Variants in PGK2 observed in about 807,000 individuals in gnomAD.
The protein encoded by PGK2 is epididymis secretory protein Li 272.
Under a neutral mutation model 5.2 loss-of-function variants are expected in PGK2, and 5 were observed. That is an observed-to-expected ratio of 0.96 (90% confidence interval 0.50 to 2.01). The LOEUF is 2.01. Among genes scored for constraint, PGK2 ranks in the 30% most tolerant of loss-of-function variants. The pLI is 0.01. For missense variants in PGK2, 588 were observed against 506.8 expected, an observed-to-expected ratio of 1.16 and a Z score of -1.54; for synonymous variants, 210 against 182.6, an observed-to-expected ratio of 1.15 and a Z score of -1.21.
chr6:49,786,379 A>G lies in PGK2; in HGVS notation c.809T>C (p.Met270Thr), dbSNP rs1319099314. 1.9e-6 allele frequency: 3 copies of G among 1,614,028 alleles called. No individual in the cohort carries two copies. The highest frequency in any genetic ancestry group is 2.2e-5 in the East Asian group (1 of 44,888). The change falls in exon 1 of 1, where the codon ATG becomes ACG. Residue 270 changes from methionine (M) to threonine (T), a missense_variant. Met to Thr is a moderately conservative substitution (Grantham distance 81, BLOSUM62 -1). Coordinates refer to ENST00000304801, the MANE Select transcript of PGK2 (RefSeq NM_138733.5). ...TACACCATTCTTTTGTGCTTTGGCC[A>G]TGATATCTTTAACGATCTTGGCTCC... ...EEGAKIVKDI[M>T]AKAQKNGVRI... is the part of the protein sequence containing the mutation.
chr6:49,786,547 C>A lies in PGK2; in HGVS notation c.641G>T (p.Gly214Val). The change falls in exon 1 of 1, where the codon GGA becomes GTA. Residue 214 changes from glycine to valine, a missense_variant. Transcript: ENST00000304801. The part of the protein sequence containing the change: ...PVRPFLAILG[G>V]AKVADKIQLI... The stretch of plus-strand genomic sequence containing the variant: ...TTGGATCTTGTCTGCCACTTTGGCT[C>A]CACCAAGTATAGCCAGAAAGGGTCT... 1 of 1,614,038 alleles carries A rather than the reference C, an allele frequency of 6.2e-7. No homozygotes were observed. Among genetic ancestry groups the A allele is most frequent in the South Asian group, 1.1e-5 (1 of 91,074 alleles).
In PGK2 at chr6:49,787,056, G is replaced by A; in HGVS notation, c.132C>T (p.Ile44=). 6.2e-7 allele frequency: 1 copy of A among 1,614,066 alleles called. No individual in the cohort carries two copies. The highest frequency in any genetic ancestry group is 1.7e-5 in the Admixed American group (1 of 60,002). ...TGTCCAGGCAGTACTTGATGCTTGG[G>A]ATGGAAGCCTTGATCCTCTGGTTGT... The part of the protein sequence containing the change: ...ITNNQRIKAS[I]PSIKYCLDNG... Residue 44 remains isoleucine, a synonymous_variant, in exon 1 of 1, where the codon ATC becomes ATT. Coordinates refer to ENST00000304801, the MANE Select transcript of PGK2 (RefSeq NM_138733.5).
rs145382583 is a variant in PGK2, at chr6:49,787,109, C to T, written c.79G>A (p.Val27Ile). The change falls in exon 1 of 1, where the codon GTT (valine) becomes ATT (isoleucine). Residue 27 changes from valine (V) to isoleucine (I), a missense_variant. Val to Ile is a conservative substitution (Grantham distance 29). Coordinates refer to ENST00000304801, the MANE Select transcript of PGK2 (RefSeq NM_138733.5). ...GTAATCTGGTTCTTCTTCATGGGAA[C>T]ATTGAAGTCTACTCTCATGATGACT... ...KRVIMRVDFNVPMKKNQITNN... is the reference protein window; with the variant it reads ...KRVIMRVDFNIPMKKNQITNN... The T allele has an allele frequency of 2.4e-4, 390 of 1,613,578 alleles. 1 individual carries two copies. The African/African-American group carries it at 3.9e-3, about 16-fold the overall frequency.
chr6:49,786,400 G>A lies in PGK2; in HGVS notation c.788C>T (p.Ala263Val), dbSNP rs1230269563. Residue 263 changes from alanine to valine, a missense_variant, in exon 1 of 1, where the codon GCC becomes GTC. Physicochemically the swap from Ala to Val is moderately conservative, Grantham distance 64 (BLOSUM62 0). Transcript: ENST00000304801. ...GGCCATGATATCTTTAACGATCTTG[G>A]CTCCCTCTTCATCAAACAGGGAAGC... Reference protein sequence around the residue: ...IGASLFDEEGAKIVKDIMAKA... With the variant: ...IGASLFDEEGVKIVKDIMAKA... 1.2e-6 allele frequency: 2 copies of A among 1,613,868 alleles called. No homozygotes were observed. Among genetic ancestry groups the A allele is most frequent in the South Asian group, 1.1e-5 (1 of 91,062 alleles).
Position 49,785,944 on chromosome 6 carries a change from C to T in PGK2, c.1244G>A (p.Ser415Asn). The T allele has an allele frequency of 3.1e-6, 5 of 1,613,682 alleles. No homozygotes were observed. The highest frequency in any genetic ancestry group is 4.2e-6 in the Non-Finnish European group (5 of 1,179,708). The change falls in exon 1 of 1, where the codon AGC (serine) becomes AAC (asparagine). Residue 415 changes from serine (S) to asparagine (N), a missense_variant. Transcript: ENST00000304801. Reference protein sequence around the residue: ...GKILPGVEALSNM With the variant: ...GKILPGVEALNNM ...GTAACACTATATTAACTACATGTTG[C>T]TGAGGGCCTCTACTCCAGGAAGGAT... is the stretch of plus-strand genomic sequence containing the variant.
At position 49,787,072 on chromosome 6, in the gene PGK2, C is replaced by A. The variant is rs867271999; in HGVS notation, c.116G>T (p.Arg39Met). The change falls in exon 1 of 1, where the codon AGG (arginine) becomes ATG (methionine). Residue 39 changes from arginine to methionine, a missense_variant. Coordinates refer to ENST00000304801, the MANE Select transcript of PGK2 (RefSeq NM_138733.5). ...MKKNQITNNQ[R>M]IKASIPSIKY... ...GATGCTTGGGATGGAAGCCTTGATC[C>A]TCTGGTTGTTTGTAATCTGGTTCTT... 6.2e-7 allele frequency: 1 copy of A among 1,613,930 alleles called. No individual in the cohort carries two copies. Among genetic ancestry groups the A allele is most frequent in the Non-Finnish European group, 8.5e-7 (1 of 1,180,010 alleles).
rs751994592 is a variant in PGK2, at chr6:49,786,069, AC to A, written c.1118del (p.Gly373ValfsTer28). ...TSKGCITVIG[G>X]GDTATCCAKW... ...TGGCACAGCAAGTAGCAGTGTCTCC[AC>A]CCCCTATAACAGTGATGCAGCCCTT... On this transcript the variant is annotated frameshift_variant, in exon 1 of 1. Coordinates refer to ENST00000304801, the MANE Select transcript of PGK2 (RefSeq NM_138733.5). LOFTEE classifies it high-confidence loss of function. 912 of 1,613,828 alleles carry A rather than the reference AC, an allele frequency of 5.7e-4. No homozygotes were observed. The highest frequency in any genetic ancestry group is 7.1e-4 in the Non-Finnish European group (841 of 1,179,980).
Position 49,786,153 on chromosome 6 carries a change from C to A in PGK2, c.1035G>T (p.Trp345Cys). The A allele has an allele frequency of 6.2e-7, 1 of 1,614,050 alleles. No individual in the cohort carries two copies. Among genetic ancestry groups the A allele is most frequent in the Non-Finnish European group, 8.5e-7 (1 of 1,180,018 alleles). The change falls in exon 1 of 1, where the codon TGG becomes TGT. Residue 345 changes from tryptophan (W) to cysteine (C), a missense_variant. By Grantham distance (215) the Trp-to-Cys change is radical (BLOSUM62 -2). Coordinates refer to ENST00000304801, the MANE Select transcript of PGK2 (RefSeq NM_138733.5). ...CTTTGGTTCCCTTAGCAAAGGCATCCCATTCAAATACTCCTAACGGCCCAT... is the reference window on the plus strand; with the variant it reads ...CTTTGGTTCCCTTAGCAAAGGCATCACATTCAAATACTCCTAACGGCCCAT... ...VWNGPLGVFE[W>C]DAFAKGTKAL... is the part of the protein sequence containing the mutation.
Position 49,786,076 on chromosome 6 carries a change from A to G in PGK2, c.1112T>C (p.Ile371Thr), listed in dbSNP as rs2127459864. ...GCAAGTAGCAGTGTCTCCACCCCCT[A>G]TAACAGTGATGCAGCCCTTGGAAGT... ...KATSKGCITVIGGGDTATCCA... is the reference protein window; with the variant it reads ...KATSKGCITVTGGGDTATCCA... The change falls in exon 1 of 1, where the codon ATA becomes ACA. Residue 371 changes from isoleucine (I) to threonine (T), a missense_variant. Coordinates refer to ENST00000304801, the MANE Select transcript of PGK2 (RefSeq NM_138733.5). 1 of 1,614,136 alleles carries G rather than the reference A, an allele frequency of 6.2e-7. No homozygotes were observed.
Position 49,786,043 on chromosome 6 carries a change from T to A in PGK2, c.1145A>T (p.Lys382Ile), listed in dbSNP as rs199822863. ...GGGDTATCCA[K>I]WNTEDKVSHV... ...GCTGACTTTATCTTCAGTGTTCCAT[T>A]TGGCACAGCAAGTAGCAGTGTCTCC... The change falls in exon 1 of 1, where the codon AAA (lysine) becomes ATA (isoleucine). Residue 382 changes from lysine (K) to isoleucine (I), a missense_variant. Transcript: ENST00000304801. 2.5e-6 allele frequency: 4 copies of A among 1,614,016 alleles called. No individual in the cohort carries two copies. The highest frequency in any genetic ancestry group is 3.4e-6 in the Non-Finnish European group (4 of 1,179,990).
Position 49,786,633 on chromosome 6 carries a change from T to A in PGK2, c.555A>T (p.Ala185=), listed in dbSNP as rs1419212515. 1 of 1,614,150 alleles carries A rather than the reference T, an allele frequency of 6.2e-7. No homozygotes were observed. The highest frequency in any genetic ancestry group is 8.5e-7 in the Non-Finnish European group (1 of 1,180,014). Residue 185 remains alanine (A), a synonymous_variant, in exon 1 of 1, where the codon GCA becomes GCT. Transcript: ENST00000304801. The part of the protein sequence containing the change: ...SMVGVNLPHK[A]SGFLMKKELD... ...GTTCCTTCTTCATCAAGAATCCGGA[T>A]GCTTTATGGGGCAGATTCACTCCCA...
chr6:49,786,617 T>C lies in PGK2; in HGVS notation c.571A>G (p.Lys191Glu), dbSNP rs2127460002. The change falls in exon 1 of 1, where the codon AAG becomes GAG. Residue 191 changes from lysine (K) to glutamate (E), a missense_variant. By Grantham distance (56) the Lys-to-Glu change is moderately conservative. Transcript: ENST00000304801. ...TTAGCAAAGTAATCTAGTTCCTTCT[T>C]CATCAAGAATCCGGATGCTTTATGG... ...LPHKASGFLM[K>E]KELDYFAKAL... 1 of 1,614,128 alleles carries C rather than the reference T, an allele frequency of 6.2e-7. No homozygotes were observed. Among genetic ancestry groups the C allele is most frequent in the Non-Finnish European group, 8.5e-7 (1 of 1,180,016 alleles).
Position 49,787,146 on chromosome 6 carries a change from A to G in PGK2, c.42T>C (p.Val14=), listed in dbSNP as rs1020898152. The part of the protein sequence containing the change: ...SKKLTLDKLD[V]RGKRVIMRVD... ...CTCTCATGATGACTCGCTTCCCTCT[A>G]ACATCCAGTTTGTCTAAAGTCAACT... The change falls in exon 1 of 1, where the codon GTT becomes GTC. Residue 14 remains valine, a synonymous_variant. Transcript: ENST00000304801. 2.5e-6 allele frequency: 4 copies of G among 1,613,510 alleles called. No individual in the cohort carries two copies. The highest frequency in any genetic ancestry group is 3.4e-6 in the Non-Finnish European group (4 of 1,179,650).
chr6:49,787,101 C>A lies in PGK2; in HGVS notation c.87G>T (p.Met29Ile), dbSNP rs1769928731. The change falls in exon 1 of 1, where the codon ATG becomes ATT. Residue 29 changes from methionine (M) to isoleucine (I), a missense_variant. Physicochemically the swap from Met to Ile is conservative, Grantham distance 10 (BLOSUM62 1). Coordinates refer to ENST00000304801, the MANE Select transcript of PGK2 (RefSeq NM_138733.5). ...VIMRVDFNVP[M>I]KKNQITNNQR... Reference sequence around the variant, plus strand: ...GGTTGTTTGTAATCTGGTTCTTCTTCATGGGAACATTGAAGTCTACTCTCA... The same window carrying A: ...GGTTGTTTGTAATCTGGTTCTTCTTAATGGGAACATTGAAGTCTACTCTCA... 2 of 1,613,888 alleles carry A rather than the reference C, an allele frequency of 1.2e-6. No homozygotes were observed. The highest frequency in any genetic ancestry group is 1.6e-4 in the Middle Eastern group (1 of 6,062).
In PGK2 at chr6:49,786,783, G is replaced by C; in HGVS notation, c.405C>G (p.Pro135=). ...HVEEEGKGQD[P]SGKKIKAEPD... ...GCTCAGCTTTAATCTTCTTTCCAGA[G>C]GGATCTTGGCCCTTCCCTTCTTCCT... Residue 135 remains proline (P), a synonymous_variant, in exon 1 of 1, where the codon CCC becomes CCG. Transcript: ENST00000304801. 6.2e-7 allele frequency: 1 copy of C among 1,614,088 alleles called. No individual in the cohort carries two copies. The highest frequency in any genetic ancestry group is 8.5e-7 in the Non-Finnish European group (1 of 1,180,022).
At position 49,786,519 on chromosome 6, in the gene PGK2, A is replaced by G. The variant is rs1769910211; in HGVS notation, c.669T>C (p.Leu223=). 6.2e-7 allele frequency: 1 copy of G among 1,614,144 alleles called. No homozygotes were observed. Among genetic ancestry groups the G allele is most frequent in the Non-Finnish European group, 8.5e-7 (1 of 1,180,020 alleles). The part of the protein sequence containing the change: ...GGAKVADKIQ[L]IKNMLDKVNE... Reference sequence around the variant, plus strand: ...TGACTTTGTCCAGCATATTTTTGATAAGTTGGATCTTGTCTGCCACTTTGG... The same window carrying G: ...TGACTTTGTCCAGCATATTTTTGATGAGTTGGATCTTGTCTGCCACTTTGG... The change falls in exon 1 of 1, where the codon CTT becomes CTC. Residue 223 remains leucine, a synonymous_variant. Transcript: ENST00000304801.
chr6:49,786,764 C>T lies in PGK2; in HGVS notation c.424G>A (p.Ala142Thr). 6.2e-7 allele frequency: 1 copy of T among 1,614,122 alleles called. No individual in the cohort carries two copies. Among genetic ancestry groups the T allele is most frequent in the Non-Finnish European group, 8.5e-7 (1 of 1,180,022 alleles). Residue 142 changes from alanine to threonine, a missense_variant, in exon 1 of 1, where the codon GCT becomes ACT. Ala to Thr is a moderately conservative substitution (Grantham distance 58). Transcript: ENST00000304801. Reference sequence around the variant, plus strand: ...AAGGCTTCTATTTTATCTGGCTCAGCTTTAATCTTCTTTCCAGAGGGATCT... The same window carrying T: ...AAGGCTTCTATTTTATCTGGCTCAGTTTTAATCTTCTTTCCAGAGGGATCT... ...GQDPSGKKIK[A>T]EPDKIEAFRA...
In PGK2 at chr6:49,786,735, T is replaced by C. The variant is rs754301345; in HGVS notation, c.453A>G (p.Arg151=). The C allele has an allele frequency of 6.2e-7, 1 of 1,614,126 alleles. No homozygotes were observed. The highest frequency in any genetic ancestry group is 1.1e-5 in the South Asian group (1 of 91,084). ...CGTCCCCTAGCTTGGAAAGTGATGC[T>C]CGGAAGGCTTCTATTTTATCTGGCT... ...KAEPDKIEAF[R]ASLSKLGDVY... Residue 151 remains arginine (R), a synonymous_variant, in exon 1 of 1, where the codon CGA becomes CGG. Coordinates refer to ENST00000304801, the MANE Select transcript of PGK2 (RefSeq NM_138733.5).
At position 49,786,553 on chromosome 6, in the gene PGK2, A is replaced by G. The variant is rs755451283; in HGVS notation, c.635T>C (p.Leu212Pro). Residue 212 changes from leucine to proline, a missense_variant, in exon 1 of 1, where the codon CTT becomes CCT. Coordinates refer to ENST00000304801, the MANE Select transcript of PGK2 (RefSeq NM_138733.5). ...ENPVRPFLAILGGAKVADKIQ... is the reference protein window; with the variant it reads ...ENPVRPFLAIPGGAKVADKIQ... ...CTTGTCTGCCACTTTGGCTCCACCAAGTATAGCCAGAAAGGGTCTCACTGG... is the reference window on the plus strand; with the variant it reads ...CTTGTCTGCCACTTTGGCTCCACCAGGTATAGCCAGAAAGGGTCTCACTGG... 6 of 1,614,114 alleles carry G rather than the reference A, an allele frequency of 3.7e-6. No homozygotes were observed. The South Asian group carries it at 4.4e-5, about 12-fold the overall frequency.
Sources: allele counts gnomAD v4.1 joint callset, GRCh38; gene constraint gnomAD v4.1.1; transcripts MANE v1.5; gene names NCBI Gene and HGNC (gene_info 2026-07-23, HGNC 2026-07-21).